The following SNX24 variants were observed in gnomAD, a reference collection of about 807,000 sequenced individuals.
SNX24 encodes the protein sorting nexin-24.
SNX24 carries 22 observed loss-of-function variants against 28.7 expected under a neutral mutation model. That is an observed-to-expected ratio of 0.77 (90% CI 0.55 to 1.10). The LOEUF (loss-of-function observed/expected upper bound fraction) is 1.10, where lower values mean the gene tolerates loss of function less well. Among genes scored for constraint, SNX24 ranks in the 50% least tolerant of loss-of-function variants. SNX24 has a pLI of 0.00. For missense variants in SNX24, 221 were observed against 201.1 expected (o/e 1.10, Z -0.60); for synonymous variants, 69 against 71.5 (o/e 0.96, Z 0.18).
intron 1 of SNX24, among the ~76,000 whole-genome samples, chr5:122,864,809 C>T (rs969789687): frequency 6.6e-6 from 1 of 152,242 alleles, no homozygotes; most frequent in African/African-American, 2.4e-5. Flanking sequence ...TGCATGACTC[C>T]TAAACCATAA....
chr5:122,907,134 G>C (rs1005295399), intron 1 of SNX24, among the ~76,000 whole-genome samples: 9 of 152,046 alleles, frequency 5.9e-5, no homozygotes, highest in African/African-American at 1.9e-4. Context: ...GCTTTACTTT[G>C]CTTATCTCTC....
chr5:122,854,850 G>A (rs1485688496), intron 1 of SNX24, among the ~76,000 whole-genome samples: 4 of 152,118 alleles, frequency 2.6e-5, no homozygotes, highest in Admixed American at 2.0e-4. Flanking sequence ...GTTTAATAAT[G>A]CATATAAATG....
intron 1 of SNX24, among the ~76,000 whole-genome samples, chr5:122,909,352 C>T (rs974973317): frequency 2.0e-5 from 3 of 152,160 alleles, no homozygotes; most frequent in Non-Finnish European, 2.9e-5. Flanking sequence ...AACTTAAGTC[C>T]TCACGGAGAA....
intron 1 of SNX24, among the ~76,000 whole-genome samples, chr5:122,876,057 C>T (rs1431136928): frequency 1.3e-5 from 2 of 152,208 alleles, no homozygotes; most frequent in African/African-American, 4.8e-5. Context: ...GTTGGCCAGG[C>T]TGGTCTCAAA....
At chr5:123,014,018 G>A (rs1225448381), downstream of SNX24, among the ~76,000 whole-genome samples, 1 of 152,202 alleles carries the variant, frequency 6.6e-6, no homozygotes, top group South Asian at 2.1e-4. Context: ...TCTCATTGAA[G>A]CTTCACAACA....
intron 1 of SNX24, among the ~76,000 whole-genome samples, chr5:122,926,139 C>T (rs941133359): frequency 6.6e-6 from 1 of 152,102 alleles, no homozygotes; most frequent in Non-Finnish European, 1.5e-5. Context: ...GTAGATAACA[C>T]CTCTCTGAAA....
At chr5:122,883,363 A>G (rs1756562987) in intron 1 of SNX24, among the ~76,000 whole-genome samples, 1 of 152,210 alleles carries the variant, frequency 6.6e-6, no homozygotes, top group African/African-American at 2.4e-5. Flanking sequence ...TTATACAATT[A>G]TTAATAGCAT....
At chr5:122,897,518 C>T (rs1051137552) in intron 1 of SNX24, among the ~76,000 whole-genome samples, 1 of 152,146 alleles carries the variant, frequency 6.6e-6, no homozygotes, top group South Asian at 2.1e-4. Flanking sequence ...ATATGTCACT[C>T]TCCTAGGATA....
intron 1 of SNX24, among the ~76,000 whole-genome samples, chr5:122,869,597 G>A (rs1024755392): frequency 6.6e-6 from 1 of 152,140 alleles, no homozygotes; most frequent in Non-Finnish European, 1.5e-5. Flanking sequence ...AAATACCAAT[G>A]ATTATGAACA....
chr5:122,991,457 T>C (rs927383303), intron 3 of SNX24, among the ~76,000 whole-genome samples: 25 of 152,088 alleles, frequency 1.6e-4, no homozygotes, highest in African/African-American at 5.8e-4. Context: ...TTTTGTTTTG[T>C]TTAGTTTTGT....
At chr5:122,891,003 C>G in intron 1 of SNX24, 1 of 1,442,350 alleles carries the variant, frequency 6.9e-7, no homozygotes, top group Non-Finnish European at 9.1e-7. Flanking sequence ...AAACCCAAAG[C>G]CTCTTTTCTG....
At chr5:122,911,856 T>C (rs1300851645) in intron 1 of SNX24, among the ~76,000 whole-genome samples, 1 of 145,780 alleles carries the variant, frequency 6.9e-6, no homozygotes, top group Non-Finnish European at 1.5e-5. Flanking sequence ...AGTACCATGC[T>C]GTTTTGCTTA....
intron 1 of SNX24, among the ~76,000 whole-genome samples, chr5:122,868,634 G>A (rs2150049499): frequency 6.6e-6 from 1 of 152,216 alleles, no homozygotes; most frequent in African/African-American, 2.4e-5. Flanking sequence ...CTATTGCAGA[G>A]CCTATCCATA....
At chr5:122,857,626 A>G (rs1400166980) in intron 1 of SNX24, among the ~76,000 whole-genome samples, 1 of 151,922 alleles carries the variant, frequency 6.6e-6, no homozygotes, top group African/African-American at 2.4e-5. Flanking sequence ...TCTTCTCATC[A>G]TTTAGCGCCC....
intron 1 of SNX24, among the ~76,000 whole-genome samples, chr5:122,873,530 A>G (rs1756078779): frequency 6.6e-6 from 1 of 152,154 alleles, no homozygotes; most frequent in Non-Finnish European, 1.5e-5. Flanking sequence ...AGTGCCAGGC[A>G]GGAGCTGTAA....
chr5:122,888,629 C>T (rs568427058), intron 1 of SNX24, among the ~76,000 whole-genome samples: 1 of 152,246 alleles, frequency 6.6e-6, no homozygotes, highest in East Asian at 1.9e-4. Flanking sequence ...TTCTTGGCTC[C>T]ATCAGCTACT....
At chr5:122,858,492 G>A (rs1169001825) in intron 1 of SNX24, among the ~76,000 whole-genome samples, 4 of 152,198 alleles carry the variant, frequency 2.6e-5, no homozygotes, top group Non-Finnish European at 5.9e-5. Flanking sequence ...CTGTGTGCAT[G>A]TCTTTTTGTA....
At chr5:122,904,471 C>T (rs1757564968) in intron 1 of SNX24, among the ~76,000 whole-genome samples, 1 of 152,134 alleles carries the variant, frequency 6.6e-6, no homozygotes, top group Admixed American at 6.5e-5. Flanking sequence ...GTGTGAGCCA[C>T]CACTCCCGGC....
chr5:122,859,297 C>T (rs1249251770), intron 1 of SNX24, among the ~76,000 whole-genome samples: 2 of 152,006 alleles, frequency 1.3e-5, no homozygotes, highest in African/African-American at 4.8e-5. Context: ...ATATGGAGAT[C>T]CTGTTCCCCC....
Sources: allele counts gnomAD v4.1 joint callset (sites outside exome capture counted in the v4.1 genomes callset), GRCh38; gene constraint gnomAD v4.1.1; transcripts MANE v1.5; gene names NCBI Gene and HGNC (gene_info 2026-07-23, HGNC 2026-07-21).